ATAD3B: variants seen among roughly 807,000 people sequenced by gnomAD.
The protein encoded by ATAD3B is ATPase family AAA domain-containing protein 3B.
A neutral mutation model predicts 70.2 loss-of-function variants in ATAD3B; 59 were observed. The observed-to-expected ratio is 0.84, with a 90% CI of 0.68 to 1.04. The LOEUF (loss-of-function observed/expected upper bound fraction) is 1.04, where lower values mean the gene tolerates loss of function less well. Among genes scored for constraint, ATAD3B ranks in the 50% least tolerant of loss-of-function variants. The pLI is 0.00. For synonymous variants in ATAD3B, 423 were observed against 388.6 expected (o/e 1.09, Z -1.04); for missense variants, 961 against 913.4 (o/e 1.05, Z -0.67).
intron 5 of ATAD3B, 60 bp downstream of exon 5, chr1:1,480,996 G>C: frequency 6.4e-7 from 1 of 1,574,200 alleles, no homozygotes; most frequent in Non-Finnish European, 8.6e-7. Context: ...TGGATCCGGC[G>C]TGCACTCTGA....
chr1:1,504,513 G>C, the ATAD3B span, among the ~76,000 whole-genome samples: 1 of 151,952 alleles, frequency 6.6e-6, no homozygotes, highest in Non-Finnish European at 1.5e-5. Context: ...AGCCGGGCGT[G>C]GTGGCGGGCG....
At chr1:1,495,311 G>T (rs371534101) in intron 15 of ATAD3B, among the ~76,000 whole-genome samples, 174 bp from the exon 16 acceptor site, 2 of 152,090 alleles carry the variant, frequency 1.3e-5, no homozygotes, top group East Asian at 3.9e-4. Context: ...TGCAGGGGCC[G>T]CTCCCAGTGT....
rs903793500 is a variant in ATAD3B at position 1,489,056 on chromosome 1, CT to C, written c.1267-147del. ...GGGTTACATGCTTGAGCCACCGCCCCTGGCCCTGGTCAGGATTTTGAGTTTA... is the reference window on the plus strand; with the variant it reads ...GGGTTACATGCTTGAGCCACCGCCCCGGCCCTGGTCAGGATTTTGAGTTTA... On this transcript the variant is annotated intron_variant, in intron 12 of 15. Coordinates refer to ENST00000673477, the MANE Select transcript of ATAD3B (RefSeq NM_031921.6). The C allele has an allele frequency of 1.4e-4, 195 of 1,415,246 alleles. 2 individuals are homozygous for C. In the Middle Eastern group the frequency reaches 2.5e-3, roughly 18 times the overall value. 87.7% of individuals were successfully genotyped at this position (1,415,246 alleles called of 1,614,324 possible).
chr1:1,490,788 T>C, intron 15 of ATAD3B, 117 bp downstream of exon 15: 1 of 1,494,994 alleles, frequency 6.7e-7, no homozygotes, highest in East Asian at 2.5e-5. Flanking sequence ...TGAGGGGTTT[T>C]CAGTGCACAG....
intron 7 of ATAD3B, 54 bp downstream of exon 7, chr1:1,482,668 G>A: frequency 6.2e-7 from 1 of 1,611,520 alleles, no homozygotes; most frequent in South Asian, 1.1e-5. Flanking sequence ...AGCATGTGGG[G>A]GCCTCCTGGA....
rs777508127 is a variant in ATAD3B at position 1,490,671 on chromosome 1, G to C, written c.1614G>C (p.Gln538His). The C allele has an allele frequency of 6.3e-7, 1 of 1,581,746 alleles. No homozygotes were observed. Among genetic ancestry groups the C allele is most frequent in the Non-Finnish European group, 8.6e-7 (1 of 1,164,736 alleles). Residue 538 changes from glutamine to histidine, a missense_variant and splice_region_variant, in exon 15 of 16, where the codon CAG becomes CAC. By Grantham distance (24) the Gln-to-His change is conservative. Coordinates refer to ENST00000673477, the MANE Select transcript of ATAD3B (RefSeq NM_031921.6). ...REIAQLAVSW[Q>H]ATAYASKDGV... Reference sequence around the variant, plus strand: ...TCGCTCAGCTGGCCGTGTCCTGGCAGGTGAGTCAGGCTCCGGCACGTCCAC... The same window carrying C: ...TCGCTCAGCTGGCCGTGTCCTGGCACGTGAGTCAGGCTCCGGCACGTCCAC...
rs1415155229 is a variant in ATAD3B at position 1,485,009 on chromosome 1, G to C, written c.751-7G>C. On this transcript the variant is annotated splice_region_variant and splice_polypyrimidine_tract_variant and intron_variant, in intron 7 of 15. Transcript: ENST00000673477. ...GCCGGTGCGCCAGTGCGGTGTCTCT[G>C]CTGCAGGTGGCTGGGCTGACGCTGC... The C allele has an allele frequency of 6.2e-7, 1 of 1,600,248 alleles. No homozygotes were observed.
rs532056717 is a variant in ATAD3B, at chr1:1,486,155, A to G, written c.1009A>G (p.Asn337Asp). ...GCGCGACATCGCCATAGCAACCAGG[A>G]ACACCAAGAAGAACCGGGGCCTGTA... Reference protein sequence around the residue: ...RVRDIAIATRNTKKNRGLYRH... With the variant: ...RVRDIAIATRDTKKNRGLYRH... The change falls in exon 10 of 16, where the codon AAC becomes GAC. Residue 337 changes from asparagine to aspartate, a missense_variant. Transcript: ENST00000673477. 1 of 1,613,252 alleles carries G rather than the reference A, an allele frequency of 6.2e-7. No homozygotes were observed. Among genetic ancestry groups the G allele is most frequent in the South Asian group, 1.1e-5 (1 of 91,018 alleles).
At chr1:1,488,386 C>T (rs1443676640) in intron 12 of ATAD3B, among the ~76,000 whole-genome samples, 5 of 151,956 alleles carry the variant, frequency 3.3e-5, no homozygotes, top group Admixed American at 2.0e-4. Context: ...CTAACACGCC[C>T]GGCTAATTTT....
rs757434471 is a variant in ATAD3B, at chr1:1,480,864, C to T, written c.445-3C>T. The T allele has an allele frequency of 1.3e-6, 2 of 1,594,578 alleles. No individual in the cohort carries two copies. Among genetic ancestry groups the T allele is most frequent in the Non-Finnish European group, 1.7e-6 (2 of 1,171,808 alleles). ...TTTCTCTTTTTCTGCGGCTTCTTCT[C>T]AGCAACTTCTCAATGAGGAGAATTT... On this transcript the variant is annotated splice_polypyrimidine_tract_variant and splice_region_variant and intron_variant, in intron 4 of 15. Coordinates refer to ENST00000673477, the MANE Select transcript of ATAD3B (RefSeq NM_031921.6).
Position 1,497,311 on chromosome 1 carries a change from G to C in ATAD3B, c.*1494G>C, listed in dbSNP as rs1168517338. The C allele has an allele frequency of 6.7e-6, 1 of 148,350 alleles. No individual in the cohort carries two copies. Among genetic ancestry groups the C allele is most frequent in the East Asian group, 2.0e-4 (1 of 4,994 alleles). 9.2% of individuals were successfully genotyped at this position (148,350 alleles called of 1,614,324 possible). On this transcript the variant is annotated 3_prime_UTR_variant, in exon 16 of 16. Transcript: ENST00000673477. ...TGCAGCCTCGACCTCCCAGGCTCAA[G>C]TGATCCTCCTGCCTCAGCCTGTCCA...
chr1:1,496,375 A>C lies in ATAD3B; in HGVS notation c.*558A>C, dbSNP rs1012091236. The C allele has an allele frequency of 3.8e-6, 2 of 525,708 alleles. No individual in the cohort carries two copies. The highest frequency in any genetic ancestry group is 4.1e-5 in the African/African-American group (2 of 48,364). The allele number at this position is 525,708 out of a possible 1,614,324, so 32.6% of individuals were successfully genotyped here. On this transcript the variant is annotated 3_prime_UTR_variant, in exon 16 of 16. Coordinates refer to ENST00000673477, the MANE Select transcript of ATAD3B (RefSeq NM_031921.6). ...GCGCCACATCCGAGTTGGGGTCTGA[A>C]TGCTGCCCGGGACTGCCGCCTGCGC...
rs571367551 is a variant in ATAD3B, at chr1:1,477,509, A to G, written c.282+159A>G. On this transcript the variant is annotated intron_variant, in intron 2 of 15. Coordinates refer to ENST00000673477, the MANE Select transcript of ATAD3B (RefSeq NM_031921.6). ...GCGCCTCATTTCACAGAGGGAAACA[A>G]GGGGAGGTGAGAGACGCTGCCGCAG... Among the ~76,000 whole-genome samples, 7 of 151,882 alleles carry G rather than the reference A, an allele frequency of 4.6e-5. 1 individual carries two copies. In the South Asian group the frequency reaches 1.5e-3, roughly 32 times the overall value.
rs1460870164 is a variant in ATAD3B, at chr1:1,496,508, G to C, written c.*691G>C. On this transcript the variant is annotated 3_prime_UTR_variant, in exon 16 of 16. Coordinates refer to ENST00000673477, the MANE Select transcript of ATAD3B (RefSeq NM_031921.6). The stretch of plus-strand genomic sequence containing the variant: ...ATGACCACACTGCGCCCAGGTGTAA[G>C]AGGGCACGCTTCTGCCCAGGCATCG... 1 of 152,390 alleles carries C rather than the reference G, an allele frequency of 6.6e-6. No individual in the cohort carries two copies. Among genetic ancestry groups the C allele is most frequent in the Non-Finnish European group, 1.5e-5 (1 of 68,430 alleles). The allele number at this position is 152,390 out of a possible 1,614,324, so 9.4% of individuals were successfully genotyped here.
At chr1:1,480,535 C>T (rs1294754917) in intron 4 of ATAD3B, among the ~76,000 whole-genome samples, 7 of 147,600 alleles carry the variant, frequency 4.7e-5, no homozygotes, top group Non-Finnish European at 7.4e-5. Context: ...GTAGCTTTAA[C>T]GTTTAATTGG....
At chr1:1,499,914 A>T (rs1297930696), downstream of ATAD3B, among the ~76,000 whole-genome samples, 3 of 133,982 alleles carry the variant, frequency 2.2e-5, no homozygotes, top group Non-Finnish European at 3.1e-5. Flanking sequence ...TTTCTTTTTG[A>T]GACAGAGTCT....
chr1:1,488,623 G>A (rs147215319), intron 12 of ATAD3B, among the ~76,000 whole-genome samples: 10 of 152,116 alleles, frequency 6.6e-5, no homozygotes, highest in South Asian at 2.1e-4. Flanking sequence ...GCCGGGCGTC[G>A]TGGGGCACGC....
At chr1:1,473,221 G>A (rs1378140266) in intron 1 of ATAD3B, among the ~76,000 whole-genome samples, 1 of 134,746 alleles carries the variant, frequency 7.4e-6, no homozygotes, top group Non-Finnish European at 1.5e-5. Flanking sequence ...CTCACTGCAA[G>A]CTCCGCCTCC....
At chr1:1,485,867 G>A in intron 9 of ATAD3B, 29 bp downstream of exon 9, 1 of 1,612,766 alleles carries the variant, frequency 6.2e-7, no homozygotes, top group African/African-American at 1.3e-5. Flanking sequence ...GACCGGGGAG[G>A]TGCAGGGAGG....
Sources: gnomAD v4.1 joint callset for allele counts (sites outside exome capture counted in the v4.1 genomes callset) on GRCh38, gnomAD v4.1.1 for gene constraint, MANE v1.5 for transcripts, NCBI Gene and HGNC (gene_info 2026-07-23, HGNC 2026-07-21) for gene names.